The following SOX5 variants were observed in gnomAD, a reference collection of about 807,000 sequenced individuals.
SOX5 encodes the protein SRY-box transcription factor 5.
SOX5 carries 9 observed loss-of-function variants against 92.0 expected under a neutral mutation model. The observed-to-expected ratio is 0.10, with a 90% CI of 0.06 to 0.17. SOX5 has a LOEUF of 0.17. Among genes scored for constraint, SOX5 ranks in the 10% least tolerant of loss-of-function variants. The pLI is 1.00. For synonymous variants in SOX5, 344 were observed against 336.3 expected (o/e 1.02, Z -0.25); for missense variants, 642 against 944.5 (o/e 0.68, Z 4.20).
chr12:24,262,108 G>A (rs927060811), intron 3 of SOX5, among the ~76,000 whole-genome samples: 1 of 152,052 alleles, frequency 6.6e-6, no homozygotes, highest in African/African-American at 2.4e-5. Flanking sequence ...ACTGCTCAGG[G>A]GCAACATAAC....
chr12:23,787,849 C>T (rs370582094), intron 3 of SOX5, among the ~76,000 whole-genome samples: 1 of 151,728 alleles, frequency 6.6e-6, no homozygotes, highest in South Asian at 2.1e-4. Flanking sequence ...GCTCAATGCT[C>T]ATAACCATTA....
intron 14 of SOX5, 87 bp downstream of exon 14, chr12:23,536,366 T>C: frequency 9.6e-7 from 1 of 1,042,870 alleles, no homozygotes; most frequent in Non-Finnish European, 1.5e-6. Context: ...TCAAAATGTC[T>C]TTTTGCAACT....
At chr12:23,880,673 T>C (rs2096978586) in intron 2 of SOX5, among the ~76,000 whole-genome samples, 1 of 152,178 alleles carries the variant, frequency 6.6e-6, no homozygotes. Context: ...GTTACCTCTA[T>C]ATAAGGCACA....
chr12:23,657,910 TA>T (rs2082515947), intron 7 of SOX5, among the ~76,000 whole-genome samples: 1 of 152,194 alleles, frequency 6.6e-6, no homozygotes. Context: ...TCTTAAATGT[TA>T]AAAAGTAAAT....
intron 4 of SOX5, among the ~76,000 whole-genome samples, chr12:24,103,455 A>T (rs1946322596): frequency 6.6e-6 from 1 of 152,088 alleles, no homozygotes; most frequent in East Asian, 1.9e-4. Context: ...CTTGGGTTCA[A>T]GTGATTCTCC....
chr12:23,572,086 C>G (rs1378299416), intron 10 of SOX5, among the ~76,000 whole-genome samples: 1 of 152,192 alleles, frequency 6.6e-6, no homozygotes, highest in Non-Finnish European at 1.5e-5. Flanking sequence ...AGCTGCCTAT[C>G]ATTTGCGTAC....
chr12:23,653,666 G>A (rs1163022515), intron 7 of SOX5, among the ~76,000 whole-genome samples: 1 of 152,008 alleles, frequency 6.6e-6, no homozygotes, highest in African/African-American at 2.4e-5. Flanking sequence ...ATGAATAAAT[G>A]GTGCATTCTT....
At chr12:23,747,386 A>C (rs1407988296) in intron 4 of SOX5, among the ~76,000 whole-genome samples, 1 of 152,160 alleles carries the variant, frequency 6.6e-6, no homozygotes, top group Admixed American at 6.6e-5. Context: ...AGAAAGGTAA[A>C]TCAAGTCATG....
chr12:24,391,186 C>T (rs1247689636), intron 1 of SOX5, among the ~76,000 whole-genome samples: 2 of 152,112 alleles, frequency 1.3e-5, no homozygotes, highest in Non-Finnish European at 2.9e-5. Flanking sequence ...TGATGTTGAA[C>T]ATTTTTTCAT....
chr12:23,999,643 A>G (rs1485823480), intron 4 of SOX5, among the ~76,000 whole-genome samples: 1 of 152,090 alleles, frequency 6.6e-6, no homozygotes, highest in Non-Finnish European at 1.5e-5. Flanking sequence ...CTTTTACTTT[A>G]AAAAAGTCTT....
At chr12:23,843,662 C>G (rs1485493994) in intron 3 of SOX5, among the ~76,000 whole-genome samples, 1 of 135,776 alleles carries the variant, frequency 7.4e-6, no homozygotes, top group Non-Finnish European at 1.5e-5. Flanking sequence ...CTCCCAGATT[C>G]AAGCTATTGT....
At chr12:24,282,181 A>T (rs1011000682) in intron 2 of SOX5, among the ~76,000 whole-genome samples, 4 of 152,176 alleles carry the variant, frequency 2.6e-5, no homozygotes, top group African/African-American at 9.7e-5. Flanking sequence ...ATCTTTAGGA[A>T]CACAAAGAAA....
chr12:24,191,154 T>C (rs1956486170), intron 4 of SOX5, among the ~76,000 whole-genome samples: 1 of 152,152 alleles, frequency 6.6e-6, no homozygotes, highest in Non-Finnish European at 1.5e-5. Flanking sequence ...GCAGTATGCA[T>C]GAGAAGATCT....
chr12:24,103,617 A>G (rs1053142501), intron 4 of SOX5, among the ~76,000 whole-genome samples: 1 of 152,202 alleles, frequency 6.6e-6, no homozygotes, highest in East Asian at 1.9e-4. Context: ...TGGCCTCCCA[A>G]TATCATTATC....
At chr12:24,488,352 G>A (rs1389796152) in intron 1 of SOX5, among the ~76,000 whole-genome samples, 1 of 152,134 alleles carries the variant, frequency 6.6e-6, no homozygotes, top group East Asian at 1.9e-4. Flanking sequence ...GCTTTGAGAG[G>A]CCAAGGCAGG....
chr12:24,361,022 C>T (rs1439711615), intron 2 of SOX5, among the ~76,000 whole-genome samples: 1 of 152,140 alleles, frequency 6.6e-6, no homozygotes, highest in African/African-American at 2.4e-5. Flanking sequence ...ATCTATGGTT[C>T]ATTAACTCGC....
chr12:23,713,757 G>GTA (rs922193246), intron 6 of SOX5, among the ~76,000 whole-genome samples: 2 of 146,606 alleles, frequency 1.4e-5, no homozygotes, highest in Admixed American at 6.8e-5. Flanking sequence ...ATGCGTGTGT[G>GTA]TATATATATA....
At chr12:24,203,927 T>C (rs780582211) in intron 4 of SOX5, among the ~76,000 whole-genome samples, 2 of 152,174 alleles carry the variant, frequency 1.3e-5, no homozygotes, top group Non-Finnish European at 2.9e-5. Context: ...CTAATTCACT[T>C]CAATTATTTA....
chr12:24,547,337 G>A (rs1453936965), intron 1 of SOX5, among the ~76,000 whole-genome samples: 5 of 151,420 alleles, frequency 3.3e-5, no homozygotes, highest in Non-Finnish European at 7.4e-5. Context: ...GACTACAGGC[G>A]CCCGCCACCG....
Sources: allele counts gnomAD v4.1 joint callset (sites outside exome capture counted in the v4.1 genomes callset), GRCh38; gene constraint gnomAD v4.1.1; transcripts MANE v1.5; gene names NCBI Gene and HGNC (gene_info 2026-07-23, HGNC 2026-07-21).